The following ANKS1A variants were observed in gnomAD, a reference collection of about 807,000 sequenced individuals.
ANKS1A encodes the protein ankyrin repeat and sterile alpha motif domain containing 1A.
Under a neutral mutation model 120.3 loss-of-function variants are expected in ANKS1A, and 55 were observed. The observed-to-expected ratio is 0.46, with a 90% CI of 0.37 to 0.57. ANKS1A has a LOEUF of 0.57. Ranked by LOEUF, ANKS1A falls within the 20% of genes least tolerant of loss-of-function variation. The pLI, the probability that ANKS1A is intolerant of heterozygous loss-of-function variation, is 0.00. For synonymous variants in ANKS1A, 590 were observed against 604.7 expected, an observed-to-expected ratio of 0.98 and a Z score of 0.36; for missense variants, 1,123 against 1,480.3, an observed-to-expected ratio of 0.76 and a Z score of 3.96.
chr6:34,895,872 C>T (rs755655119), intron 1 of ANKS1A, among the ~76,000 whole-genome samples: 1 of 148,644 alleles, frequency 6.7e-6, no homozygotes, highest in Non-Finnish European at 1.5e-5. Context: ...TCATTGCAGC[C>T]TCCACCTCCC....
chr6:34,891,660 G>A (rs1208278956), intron 1 of ANKS1A, among the ~76,000 whole-genome samples: 1 of 151,234 alleles, frequency 6.6e-6, no homozygotes, highest in Non-Finnish European at 1.5e-5. Context: ...ACGGAGTCTC[G>A]CTCTGTCCAC....
At chr6:34,930,530 G>A (rs887568783) in intron 1 of ANKS1A, among the ~76,000 whole-genome samples, 1 of 152,308 alleles carries the variant, frequency 6.6e-6, no homozygotes, top group African/African-American at 2.4e-5. Context: ...GTGTAAAAAA[G>A]GGATGTTAAT....
chr6:35,035,599 A>G (rs1365514749), intron 11 of ANKS1A, among the ~76,000 whole-genome samples: 1 of 152,064 alleles, frequency 6.6e-6, no homozygotes, highest in African/African-American at 2.4e-5. Flanking sequence ...CTCATGTCAC[A>G]TTGACACATG....
chr6:35,038,212 G>C (rs1415666153), intron 11 of ANKS1A: 1 of 456,670 alleles, frequency 2.2e-6, no homozygotes, highest in Non-Finnish European at 4.4e-6. Context: ...ACTGTCAGAA[G>C]CCCATCAGTC....
chr6:34,968,420 A>G (rs899087485), intron 2 of ANKS1A, among the ~76,000 whole-genome samples: 1 of 152,152 alleles, frequency 6.6e-6, no homozygotes, highest in Admixed American at 6.5e-5. Flanking sequence ...AATAAGTAGC[A>G]GCAGTGTCGT....
chr6:34,991,669 TAC>T (rs1175443034), intron 9 of ANKS1A, among the ~76,000 whole-genome samples: 1 of 35,830 alleles, frequency 2.8e-5, no homozygotes, highest in Non-Finnish European at 8.4e-5. Flanking sequence ...CACATATATA[TAC>T]ACATATATAT....
intron 13 of ANKS1A, among the ~76,000 whole-genome samples, chr6:35,074,815 AAG>A (rs1034687542): frequency 3.9e-5 from 6 of 152,166 alleles, no homozygotes; most frequent in Non-Finnish European, 7.4e-5. Flanking sequence ...GGGCTCTCTG[AAG>A]CTTAAGTCTG....
At chr6:35,056,478 CAG>C (rs989038685) in intron 12 of ANKS1A, among the ~76,000 whole-genome samples, 1 of 152,098 alleles carries the variant, frequency 6.6e-6, no homozygotes, top group Non-Finnish European at 1.5e-5. Context: ...TTAGTAGAGA[CAG>C]GGTTTCACCG....
Position 34,980,468 on chromosome 6 carries a change from G to A in ANKS1A, c.436-1222G>A, listed in dbSNP as rs547533180. Among the ~76,000 whole-genome samples the A allele has an allele frequency of 4.6e-5, 7 of 152,336 alleles. No individual in the cohort carries two copies. The East Asian group carries it at 1.2e-3, about 25-fold the overall frequency. On this transcript the variant is annotated intron_variant, in intron 3 of 23. Transcript: ENST00000360359. ...GATGCAGTCAAATGCCAGATCAAAA[G>A]CAGATGGAATTGCATATGCATGTTT...
chr6:34,925,980 G>A (rs2473614), intron 1 of ANKS1A, among the ~76,000 whole-genome samples: 13,112 of 152,224 alleles, frequency 0.086, 1,222 homozygotes, highest in African/African-American at 0.23. Flanking sequence ...CCTTTAGAGA[G>A]TCTTGAGGAA....
At chr6:34,916,797 T>A (rs1309343202) in intron 1 of ANKS1A, among the ~76,000 whole-genome samples, 1 of 152,182 alleles carries the variant, frequency 6.6e-6, no homozygotes, top group Non-Finnish European at 1.5e-5. Context: ...ATAACCACAT[T>A]GTTGGATTAC....
intron 1 of ANKS1A, among the ~76,000 whole-genome samples, chr6:34,950,711 C>T (rs1348591675): frequency 6.6e-6 from 1 of 150,936 alleles, no homozygotes; most frequent in Non-Finnish European, 1.5e-5. Context: ...TGACAGGATT[C>T]TTGCTGAAGG....
At position 35,082,190 on chromosome 6, in the gene ANKS1A, AC is replaced by A. The variant is rs1192222043; in HGVS notation, c.2710-496del. Among the ~76,000 whole-genome samples the A allele has an allele frequency of 6.7e-6, 1 of 149,284 alleles. No individual in the cohort carries two copies. The highest frequency in any genetic ancestry group is 3.2e-3 in the Middle Eastern group (1 of 314). ...CACCTGGACCGCAGTGGCCTCCCCC[AC>A]CCCCTAGCTGCTGCCAGAAGGATCC... On this transcript the variant is annotated intron_variant, in intron 17 of 23. Coordinates refer to ENST00000360359, the MANE Select transcript of ANKS1A (RefSeq NM_015245.3). This position sits in a 1 kb window ranked among gnomAD's most constrained non-coding sequence, Gnocchi z 4.1.
intron 11 of ANKS1A, among the ~76,000 whole-genome samples, chr6:35,032,875 T>A (rs571563574): frequency 1.3e-5 from 2 of 152,242 alleles, no homozygotes; most frequent in Non-Finnish European, 2.9e-5. Flanking sequence ...ATACTGAATG[T>A]CTTATGACTT....
rs1777740906 is a variant in ANKS1A, at chr6:35,082,554, C to T, written c.2710-137C>T. Reference sequence around the variant, plus strand: ...CAGTGTGTTTGAATTGCTGGTCTGCCCCCTGCCATCTCCACTCGACCCTTG... The same window carrying T: ...CAGTGTGTTTGAATTGCTGGTCTGCTCCCTGCCATCTCCACTCGACCCTTG... On this transcript the variant is annotated intron_variant, in intron 17 of 23. Coordinates refer to ENST00000360359, the MANE Select transcript of ANKS1A (RefSeq NM_015245.3). The surrounding 1 kb of genome is among the most constrained non-coding windows in gnomAD (Gnocchi z 4.1). The T allele has an allele frequency of 1.8e-6, 2 of 1,122,014 alleles. No homozygotes were observed. The highest frequency in any genetic ancestry group is 2.4e-6 in the Non-Finnish European group (2 of 817,526). 69.5% of individuals were successfully genotyped at this position (1,122,014 alleles called of 1,614,324 possible). A position where few individuals can be genotyped will look rare whatever the true frequency, so the allele number is the denominator to read the frequency against.
chr6:34,982,911 G>T lies in ANKS1A; in HGVS notation c.808+84G>T. On this transcript the variant is annotated intron_variant, in intron 5 of 23. Coordinates refer to ENST00000360359, the MANE Select transcript of ANKS1A (RefSeq NM_015245.3). The surrounding 1 kb of genome is among the most constrained non-coding windows in gnomAD (Gnocchi z 4.9). ...CTAGTCCCCTAGGGGGATTTTTGCT[G>T]GCTGTGTTTGAACTCAATGTATGTG... 3 of 1,556,804 alleles carry T rather than the reference G, an allele frequency of 1.9e-6. No individual in the cohort carries two copies. The highest frequency in any genetic ancestry group is 2.7e-6 in the Non-Finnish European group (3 of 1,129,936).
At chr6:35,048,392 A>G (rs1436651785) in intron 11 of ANKS1A, among the ~76,000 whole-genome samples, 1 of 152,134 alleles carries the variant, frequency 6.6e-6, no homozygotes, top group Non-Finnish European at 1.5e-5. Context: ...GTTAGCCGCC[A>G]TGTCTGGTCG....
intron 11 of ANKS1A, among the ~76,000 whole-genome samples, chr6:35,037,672 C>G (rs1775245096): frequency 6.6e-6 from 1 of 152,152 alleles, no homozygotes; most frequent in Admixed American, 6.5e-5. Context: ...CGTTAATTCC[C>G]TCTTGCTTTC....
At chr6:34,976,562 G>A (rs1771598011) in intron 3 of ANKS1A, among the ~76,000 whole-genome samples, 1 of 151,828 alleles carries the variant, frequency 6.6e-6, no homozygotes, top group East Asian at 1.9e-4. Context: ...GAACTGAAAG[G>A]GACTTGGAAT....
Sources: gnomAD v4.1 joint callset for allele counts (sites outside exome capture counted in the v4.1 genomes callset) on GRCh38, gnomAD v4.1.1 for gene constraint, Gnocchi (gnomAD v3.1) non-coding constraint, MANE v1.5 for transcripts, NCBI Gene and HGNC (gene_info 2026-07-23, HGNC 2026-07-21) for gene names.